The following PDSS2 variants were observed in gnomAD, a reference collection of about 807,000 sequenced individuals.
PDSS2 encodes decaprenyl diphosphate synthase subunit 2, also known as all trans-polyprenyl-diphosphate synthase PDSS2.
In PDSS2, 31 loss-of-function variants were observed where a neutral mutation model predicts 44.5. The ratio of observed to expected loss-of-function variants is 0.70; its 90% CI spans 0.52 to 0.94. The LOEUF is 0.94. Among genes scored for constraint, PDSS2 ranks in the 40% least tolerant of loss-of-function variants. PDSS2 has a pLI of 0.00. For synonymous variants in PDSS2, 157 were observed against 180.3 expected, an observed-to-expected ratio of 0.87 and a Z score of 1.03; for missense variants, 452 against 482.2, an observed-to-expected ratio of 0.94 and a Z score of 0.59.
chr6:107,446,185 G>A (rs1452356995), intron 1 of PDSS2, among the ~76,000 whole-genome samples: 1 of 151,928 alleles, frequency 6.6e-6, no homozygotes, highest in Non-Finnish European at 1.5e-5. Context: ...GCGTGGTGGT[G>A]CACACCTGTA....
intron 4 of PDSS2, among the ~76,000 whole-genome samples, chr6:107,219,537 T>C (rs901157203): frequency 1.3e-5 from 2 of 152,226 alleles, no homozygotes; most frequent in Non-Finnish European, 2.9e-5. Flanking sequence ...TCCACCCGCC[T>C]TGGCCTCCCA....
chr6:107,156,760 G>A (rs1465588321), intron 7 of PDSS2, among the ~76,000 whole-genome samples: 2 of 152,144 alleles, frequency 1.3e-5, no homozygotes, highest in Non-Finnish European at 2.9e-5. Flanking sequence ...CCTTGGCCTG[G>A]ATCCCTGAGT....
intron 6 of PDSS2, among the ~76,000 whole-genome samples, chr6:107,207,734 T>C (rs1423861922): frequency 4.0e-5 from 6 of 149,490 alleles, no homozygotes; most frequent in Admixed American, 6.7e-5. Flanking sequence ...CTCAGCCTCC[T>C]GAGTAGCTGG....
At chr6:107,173,572 CAAAAAA>C (rs71012783) in intron 7 of PDSS2, among the ~76,000 whole-genome samples, 7 of 41,508 alleles carry the variant, frequency 1.7e-4, no homozygotes, top group African/African-American at 6.3e-4. Flanking sequence ...GACTCTGTCT[CAAAAAA>C]AAAAAAAAAA....
chr6:107,184,689 A>G (rs1772101859), intron 7 of PDSS2, among the ~76,000 whole-genome samples: 3 of 152,216 alleles, frequency 2.0e-5, no homozygotes, highest in South Asian at 2.1e-4. Flanking sequence ...TCTGAGAGGC[A>G]TTGGAGGATA....
At chr6:107,403,785 C>T (rs1780220482) in intron 1 of PDSS2, among the ~76,000 whole-genome samples, 1 of 152,198 alleles carries the variant, frequency 6.6e-6, no homozygotes, top group African/African-American at 2.4e-5. Context: ...AGCAGCTGCA[C>T]ACAGCAGGGG....
chr6:107,447,961 A>G (rs997378903), intron 1 of PDSS2, among the ~76,000 whole-genome samples: 3 of 152,188 alleles, frequency 2.0e-5, no homozygotes, highest in Admixed American at 6.5e-5. Flanking sequence ...TCAATACCAC[A>G]TGGAAGCTGC....
At chr6:107,214,531 GT>G (rs1773349707) in intron 4 of PDSS2, among the ~76,000 whole-genome samples, 3 of 152,140 alleles carry the variant, frequency 2.0e-5, no homozygotes, top group South Asian at 4.1e-4. Flanking sequence ...ATAAAACCAT[GT>G]TCATTTTATG....
intron 3 of PDSS2, among the ~76,000 whole-genome samples, chr6:107,267,743 G>A (rs747511584): frequency 2.0e-5 from 3 of 151,626 alleles, no homozygotes; most frequent in Non-Finnish European, 4.4e-5. Flanking sequence ...GCACCACCAT[G>A]CCTGTTTTTT....
At chr6:107,182,309 T>C (rs1467115403) in intron 7 of PDSS2, among the ~76,000 whole-genome samples, 1 of 152,148 alleles carries the variant, frequency 6.6e-6, no homozygotes, top group East Asian at 1.9e-4. Flanking sequence ...GTGTATAATT[T>C]ATTTATTTTA....
chr6:107,437,741 C>G (rs770162983), intron 1 of PDSS2, among the ~76,000 whole-genome samples: 1 of 151,972 alleles, frequency 6.6e-6, no homozygotes, highest in African/African-American at 2.4e-5. Flanking sequence ...AAAAAATCTG[C>G]GTATAAGTAG....
At chr6:107,324,477 C>A (rs567646780) in intron 2 of PDSS2, among the ~76,000 whole-genome samples, 40 of 152,152 alleles carry the variant, frequency 2.6e-4, no homozygotes, top group Non-Finnish European at 5.1e-4. Context: ...TGAAATATAA[C>A]TTTTTCATTT....
At chr6:107,376,312 G>A (rs965101820) in intron 1 of PDSS2, among the ~76,000 whole-genome samples, 3 of 151,844 alleles carry the variant, frequency 2.0e-5, no homozygotes, top group African/African-American at 7.3e-5. Context: ...GTCATTGGTA[G>A]CTTGATGGGG....
intron 4 of PDSS2, among the ~76,000 whole-genome samples, chr6:107,226,319 A>AG (rs138204471): frequency 0.017 from 2,525 of 152,298 alleles, 77 homozygotes; most frequent in African/African-American, 0.056. Flanking sequence ...CTCAAAAAAA[A>AG]GAAATATAAT....
At chr6:107,247,533 A>G (rs1774661479) in intron 3 of PDSS2, among the ~76,000 whole-genome samples, 1 of 152,192 alleles carries the variant, frequency 6.6e-6, no homozygotes. Context: ...ATGACAACCC[A>G]TTAAGGAAAA....
At chr6:107,172,374 A>G (rs782783814) in intron 7 of PDSS2, among the ~76,000 whole-genome samples, 1 of 152,132 alleles carries the variant, frequency 6.6e-6, no homozygotes, top group African/African-American at 2.4e-5. Flanking sequence ...ACTTCTGCCC[A>G]AGGAAACTAG....
At chr6:107,426,855 T>C (rs1583070056) in intron 1 of PDSS2, among the ~76,000 whole-genome samples, 1 of 152,170 alleles carries the variant, frequency 6.6e-6, no homozygotes, top group Non-Finnish European at 1.5e-5. Context: ...CCAATGCCTG[T>C]ACCCCCATTG....
chr6:107,276,970 G>T (rs1582882322), intron 2 of PDSS2, among the ~76,000 whole-genome samples: 3 of 152,152 alleles, frequency 2.0e-5, no homozygotes, highest in Non-Finnish European at 2.9e-5. Flanking sequence ...AACCAGCAAA[G>T]GAACAGTCCA....
At chr6:107,182,743 T>C (rs1772028298) in intron 7 of PDSS2, among the ~76,000 whole-genome samples, 1 of 152,200 alleles carries the variant, frequency 6.6e-6, no homozygotes, top group African/African-American at 2.4e-5. Context: ...GAAGGAGATA[T>C]GAAATCAAAG....
Sources: gnomAD v4.1 joint callset for allele counts (sites outside exome capture counted in the v4.1 genomes callset) on GRCh38, gnomAD v4.1.1 for gene constraint, MANE v1.5 for transcripts, NCBI Gene and HGNC (gene_info 2026-07-23, HGNC 2026-07-21) for gene names.